The following CCM2 variants were observed in gnomAD, a reference collection of about 807,000 sequenced individuals.
The protein encoded by CCM2 is cerebral cavernous malformations 2 protein.
CCM2 carries 25 observed loss-of-function variants against 44.9 expected under a neutral mutation model. The ratio of observed to expected loss-of-function variants is 0.56; its 90% CI spans 0.41 to 0.78. The LOEUF is 0.78. Among genes scored for constraint, CCM2 ranks in the 30% least tolerant of loss-of-function variants. The pLI is 0.00. For synonymous variants in CCM2, 219 were observed against 241.1 expected (o/e 0.91, Z 0.85); for missense variants, 481 against 580.6 (o/e 0.83, Z 1.76).
chr7:45,011,397 A>G (rs1796062379), intron 1 of CCM2, among the ~76,000 whole-genome samples: 2 of 151,962 alleles, frequency 1.3e-5, no homozygotes, highest in South Asian at 2.1e-4. Flanking sequence ...GGGTTTCACC[A>G]TGTTGGCCGG....
chr7:45,024,250 T>C (rs1234031952), intron 1 of CCM2, among the ~76,000 whole-genome samples: 1 of 152,234 alleles, frequency 6.6e-6, no homozygotes, highest in Non-Finnish European at 1.5e-5. Flanking sequence ...CAGCTGATAA[T>C]AACTTCTGGC....
intron 1 of CCM2, among the ~76,000 whole-genome samples, chr7:45,025,794 A>G (rs1040939962): frequency 1.1e-4 from 17 of 152,200 alleles, no homozygotes; most frequent in Middle Eastern, 3.2e-3. Context: ...TCAGCCTTCC[A>G]AAACGCTGGG....
At chr7:45,018,273 G>C (rs1393706067) in intron 1 of CCM2, among the ~76,000 whole-genome samples, 5 of 152,308 alleles carry the variant, frequency 3.3e-5, no homozygotes, top group Admixed American at 3.3e-4. Flanking sequence ...ACCCAGACCA[G>C]TCTGTGGCCT....
intron 1 of CCM2, among the ~76,000 whole-genome samples, chr7:45,032,724 A>G (rs2128725102): frequency 6.6e-6 from 1 of 152,198 alleles, no homozygotes; most frequent in African/African-American, 2.4e-5. Flanking sequence ...AGTCTGTGCA[A>G]GCTCCATGCT....
At chr7:45,041,898 T>G (rs1301864975) in intron 2 of CCM2, among the ~76,000 whole-genome samples, 3 of 152,140 alleles carry the variant, frequency 2.0e-5, no homozygotes. Context: ...ACCAGAACTC[T>G]TATCATACCC....
chr7:45,019,639 A>G (rs1166122363), intron 1 of CCM2, among the ~76,000 whole-genome samples: 1 of 152,036 alleles, frequency 6.6e-6, no homozygotes, highest in Non-Finnish European at 1.5e-5. Flanking sequence ...TTAGAGTGCA[A>G]TGGTGTGATC....
At chr7:45,049,164 C>G (rs149738579) in intron 2 of CCM2, among the ~76,000 whole-genome samples, 5 of 152,232 alleles carry the variant, frequency 3.3e-5, no homozygotes, top group African/African-American at 1.2e-4. Context: ...GCCATGTTGC[C>G]CAGGCTGGTC....
chr7:45,038,605 A>G (rs1797339077), intron 2 of CCM2, among the ~76,000 whole-genome samples, 179 bp downstream of exon 2: 1 of 152,226 alleles, frequency 6.6e-6, no homozygotes, highest in African/African-American at 2.4e-5. Flanking sequence ...GAAAACCCAG[A>G]TTCTGTCTGC....
Position 45,015,892 on chromosome 7 carries a change from C to T in CCM2, c.30+15529C>T, listed in dbSNP as rs541055249. The stretch of plus-strand genomic sequence containing the variant: ...TTCAGCTTGACAGACTGATGCTGCC[C>T]CCACCTCCCCATCCGAAAGCCATGA... On this transcript the variant is annotated intron_variant, in intron 1 of 9. Transcript: ENST00000258781. Among the ~76,000 whole-genome samples the T allele has an allele frequency of 5.3e-5, 8 of 152,302 alleles. No homozygotes were observed. The South Asian group carries it at 1.5e-3, about 28-fold the overall frequency.
At chr7:45,000,021 G>C (rs1056159114), upstream of CCM2, among the ~76,000 whole-genome samples, 6 of 152,098 alleles carry the variant, frequency 3.9e-5, no homozygotes, top group African/African-American at 1.4e-4. Context: ...CGTGAGCGGG[G>C]CCAACGGGCC....
chr7:45,017,556 T>A (rs1796315216), intron 1 of CCM2, among the ~76,000 whole-genome samples: 1 of 152,150 alleles, frequency 6.6e-6, no homozygotes, highest in Non-Finnish European at 1.5e-5. Context: ...AGAGTTGATC[T>A]TGAAGAGTCA....
chr7:45,043,628 CAAAA>C, intron 2 of CCM2: 9 of 285,654 alleles, frequency 3.2e-5, no homozygotes, highest in East Asian at 1.2e-4. Context: ...GACTCCATCC[CAAAA>C]AAAAAAAAAA....
chr7:45,028,798 AAAAG>A (rs573730943), intron 1 of CCM2, among the ~76,000 whole-genome samples: 217 of 152,242 alleles, frequency 1.4e-3, no homozygotes, highest in Non-Finnish European at 2.7e-3. Flanking sequence ...TAAAAAAAAA[AAAAG>A]CTAATCTGTC....
chr7:45,009,411 T>G (rs1795981127), intron 1 of CCM2, among the ~76,000 whole-genome samples: 1 of 142,164 alleles, frequency 7.0e-6, no homozygotes, highest in South Asian at 2.4e-4. Context: ...TGTTTTTTTT[T>G]TTTTTTTTTT....
Position 45,073,489 on chromosome 7 carries a change from G to A in CCM2, c.833G>A (p.Gly278Asp), listed in dbSNP as rs546305510. Residue 278 changes from glycine to aspartate, a missense_variant, in exon 8 of 10, where the codon GGT (glycine) becomes GAT (aspartate). Transcript: ENST00000258781. The part of the protein sequence containing the change: ...FCFPESVDVG[G>D]ASPHSKTISE... The stretch of plus-strand genomic sequence containing the variant: ...TTCCCTGAATCTGTGGATGTGGGTG[G>A]TGCATCACCCCACAGCAAGACCATC... The A allele has an allele frequency of 2.5e-6, 4 of 1,613,470 alleles. No individual in the cohort carries two copies. In the African/African-American group the frequency reaches 5.3e-5, roughly 21 times the overall value.
In CCM2 at chr7:45,068,548, G is replaced by T; in HGVS notation, c.578G>T (p.Cys193Phe). The T allele has an allele frequency of 3.7e-6, 6 of 1,614,106 alleles. No homozygotes were observed. The highest frequency in any genetic ancestry group is 5.1e-6 in the Non-Finnish European group (6 of 1,180,014). ...SESAVGPVEACCLVILAAESK... is the reference protein window; with the variant it reads ...SESAVGPVEAFCLVILAAESK... ...AGTGCAGTTGGGCCCGTGGAGGCAT[G>T]CTGCCTGGTCATCCTGGCTGCAGAG... Residue 193 changes from cysteine (C) to phenylalanine (F), a missense_variant, in exon 5 of 10, where the codon TGC becomes TTC. Cys to Phe is a radical substitution (Grantham distance 205). Coordinates refer to ENST00000258781, the MANE Select transcript of CCM2 (RefSeq NM_031443.4).
At chr7:45,009,060 A>C (rs1175018150) in intron 1 of CCM2, among the ~76,000 whole-genome samples, 9 of 152,086 alleles carry the variant, frequency 5.9e-5, no homozygotes, top group Admixed American at 5.9e-4. Flanking sequence ...CCAGCACTTT[A>C]GAAGGCCAAG....
At chr7:45,001,625 T>G (rs1015491602) in intron 1 of CCM2, among the ~76,000 whole-genome samples, 2 of 152,194 alleles carry the variant, frequency 1.3e-5, no homozygotes, top group African/African-American at 4.8e-5. Context: ...TAAGGACTGA[T>G]GACCTCATTG....
intron 2 of CCM2, among the ~76,000 whole-genome samples, chr7:45,044,543 C>T (rs1583917763): frequency 2.0e-5 from 3 of 152,288 alleles, no homozygotes; most frequent in Admixed American, 2.0e-4. Context: ...GCTGTAAGTT[C>T]CCCATCTTGA....
Sources: gnomAD v4.1 joint callset for allele counts (sites outside exome capture counted in the v4.1 genomes callset) on GRCh38, gnomAD v4.1.1 for gene constraint, MANE v1.5 for transcripts, NCBI Gene and HGNC (gene_info 2026-07-23, HGNC 2026-07-21) for gene names.